RBFOX1: variants seen among roughly 807,000 people sequenced by gnomAD.
RBFOX1 encodes RNA binding protein fox-1 homolog 1.
A neutral mutation model predicts 57.7 loss-of-function variants in RBFOX1; 8 were observed. The observed-to-expected ratio is 0.14, with a 90% CI of 0.08 to 0.25. The LOEUF (loss-of-function observed/expected upper bound fraction) is 0.25, where lower values mean the gene tolerates loss of function less well. RBFOX1 is among the 10% of genes least tolerant of loss of function. The pLI, the probability that RBFOX1 is intolerant of heterozygous loss-of-function variation, is 1.00. For synonymous variants in RBFOX1, 326 were observed against 222.4 expected (o/e 1.47, Z -4.15); for missense variants, 611 against 548.5 (o/e 1.11, Z -1.14).
intron 1 of RBFOX1, among the ~76,000 whole-genome samples, chr16:6,312,283 G>C (rs2080424472): frequency 6.6e-6 from 1 of 152,168 alleles, no homozygotes; most frequent in Non-Finnish European, 1.5e-5. Flanking sequence ...CTGAACCGCT[G>C]TGTAATCAGG....
intron 1 of RBFOX1, among the ~76,000 whole-genome samples, chr16:5,350,171 A>G (rs146844454): frequency 4.3e-4 from 66 of 152,212 alleles, no homozygotes; most frequent in African/African-American, 1.3e-3. Flanking sequence ...TGCTGTCAGG[A>G]TTAACTGGGA....
chr16:5,833,793 C>A (rs987742718), intron 3 of RBFOX1, among the ~76,000 whole-genome samples: 7 of 152,148 alleles, frequency 4.6e-5, no homozygotes, highest in African/African-American at 1.7e-4. Context: ...TTAGCCCTTT[C>A]TTTAGCCCAG....
intron 3 of RBFOX1, among the ~76,000 whole-genome samples, chr16:7,021,624 A>G (rs1597233058): frequency 6.8e-6 from 1 of 147,118 alleles, no homozygotes; most frequent in Non-Finnish European, 1.5e-5. Context: ...ATAATATTTT[A>G]TAAATTATAT....
At chr16:6,722,158 C>G (rs1416057732) in intron 3 of RBFOX1, among the ~76,000 whole-genome samples, 1 of 152,188 alleles carries the variant, frequency 6.6e-6, no homozygotes, top group African/African-American at 2.4e-5. Context: ...TCCTGTGGTA[C>G]ATACCCAAAA....
intron 2 of RBFOX1, among the ~76,000 whole-genome samples, chr16:6,651,171 G>C (rs1324606376): frequency 6.6e-6 from 1 of 152,140 alleles, no homozygotes; most frequent in Non-Finnish European, 1.5e-5. Flanking sequence ...CAGAGTGCTG[G>C]GATTGCAGGC....
intron 14 of RBFOX1, among the ~76,000 whole-genome samples, chr16:7,679,379 G>T (rs1158491556): frequency 6.6e-6 from 1 of 152,130 alleles, no homozygotes; most frequent in African/African-American, 2.4e-5. Context: ...TGGAAGCTTA[G>T]TTCCTCTTCT....
At chr16:5,609,675 C>A (rs58618480) in intron 3 of RBFOX1, among the ~76,000 whole-genome samples, 49,340 of 152,092 alleles carry the variant, frequency 0.32, 10,542 homozygotes, top group African/African-American at 0.61. Context: ...GTCCTGGTAC[C>A]TTTCAGCTTG....
intron 2 of RBFOX1, among the ~76,000 whole-genome samples, chr16:6,557,014 TAC>T (rs1567671598): frequency 1.5e-5 from 2 of 137,564 alleles, no homozygotes; most frequent in African/African-American, 5.8e-5. Flanking sequence ...TACATATATA[TAC>T]ATATATATAC....
At chr16:7,022,735 T>C (rs900316529) in intron 3 of RBFOX1, among the ~76,000 whole-genome samples, 1 of 152,154 alleles carries the variant, frequency 6.6e-6, no homozygotes, top group Non-Finnish European at 1.5e-5. Context: ...AACGAAGTCT[T>C]AGTATGGGCC....
intron 1 of RBFOX1, among the ~76,000 whole-genome samples, chr16:6,275,988 T>C (rs1048619428): frequency 7.2e-5 from 11 of 152,230 alleles, no homozygotes; most frequent in African/African-American, 2.4e-4. Flanking sequence ...TTGATGCTGG[T>C]ACTGCAGGTG....
chr16:5,807,152 T>C (rs1175459486), intron 3 of RBFOX1, among the ~76,000 whole-genome samples: 1 of 152,182 alleles, frequency 6.6e-6, no homozygotes, highest in African/African-American at 2.4e-5. Context: ...GACAACACAA[T>C]TACTTAACCT....
chr16:5,749,755 T>G (rs1376664752), intron 3 of RBFOX1, among the ~76,000 whole-genome samples: 2 of 151,908 alleles, frequency 1.3e-5, no homozygotes, highest in African/African-American at 2.4e-5. Context: ...GTTATTCTAG[T>G]TAGGCATTTA....
At chr16:7,435,353 G>T (rs562315585) in intron 4 of RBFOX1, among the ~76,000 whole-genome samples, 1 of 152,082 alleles carries the variant, frequency 6.6e-6, no homozygotes, top group African/African-American at 2.4e-5. Flanking sequence ...CAGAGACAGC[G>T]TGCCATTTGT....
At chr16:7,304,091 T>G in intron 4 of RBFOX1, 1 of 535,440 alleles carries the variant, frequency 1.9e-6, no homozygotes, top group Non-Finnish European at 2.4e-6. Flanking sequence ...AGTGTTTTAG[T>G]TGGAGGCAGA....
chr16:6,872,663 A>T (rs1192853058), intron 3 of RBFOX1, among the ~76,000 whole-genome samples: 1 of 152,230 alleles, frequency 6.6e-6, no homozygotes, highest in African/African-American at 2.4e-5. Flanking sequence ...GAATGATTGG[A>T]CACTGTCACT....
chr16:6,611,910 T>C (rs2098062855), intron 2 of RBFOX1, among the ~76,000 whole-genome samples: 1 of 152,030 alleles, frequency 6.6e-6, no homozygotes, highest in Non-Finnish European at 1.5e-5. Flanking sequence ...CCTCTTCCCA[T>C]TGGTTGCAAG....
intron 1 of RBFOX1, among the ~76,000 whole-genome samples, chr16:6,029,133 C>G (rs2095250201): frequency 6.6e-6 from 1 of 152,196 alleles, no homozygotes; most frequent in Non-Finnish European, 1.5e-5. Flanking sequence ...CCTCTCACCC[C>G]ATGACTCTTT....
intron 4 of RBFOX1, among the ~76,000 whole-genome samples, chr16:7,329,869 T>C (rs1484524868): frequency 2.0e-5 from 3 of 152,196 alleles, no homozygotes; most frequent in African/African-American, 7.2e-5. Context: ...CTGTATGTAA[T>C]ATATCTCTTA....
rs529703398 is a variant in RBFOX1 at position 6,819,559 on chromosome 16, C to T, written c.-16+164909C>T. Among the ~76,000 whole-genome samples, 8 of 150,754 alleles carry T rather than the reference C, an allele frequency of 5.3e-5. No individual in the cohort carries two copies. In the South Asian group the frequency reaches 1.5e-3, roughly 29 times the overall value. On this transcript the variant is annotated intron_variant, in intron 3 of 15. Coordinates refer to ENST00000550418, the MANE Select transcript of RBFOX1 (RefSeq NM_018723.4). ...TCTCTACTAAAAATACAAAATTAGC[C>T]GGGCCTGTTGGCGTGTATGCCTGTA... is the stretch of plus-strand genomic sequence containing the variant.
Sources: allele counts gnomAD v4.1 joint callset (sites outside exome capture counted in the v4.1 genomes callset), GRCh38; gene constraint gnomAD v4.1.1; transcripts MANE v1.5; gene names NCBI Gene and HGNC (gene_info 2026-07-23, HGNC 2026-07-21).